Variants in NCKAP5 observed in about 807,000 individuals in gnomAD.
NCKAP5 encodes the protein NCK associated protein 5.
NCKAP5 carries 92 observed loss-of-function variants against 167.0 expected under a neutral mutation model. The ratio of observed to expected loss-of-function variants is 0.55; its 90% CI spans 0.47 to 0.66. The LOEUF is 0.66. Among genes scored for constraint, NCKAP5 ranks in the 30% least tolerant of loss-of-function variants. NCKAP5 has a pLI of 0.00. For missense variants in NCKAP5, 2,378 were observed against 2,315.0 expected (o/e 1.03, Z -0.56); for synonymous variants, 891 against 877.4 (o/e 1.02, Z -0.27).
At chr2:132,687,811 A>G (rs1057179182) in intron 19 of NCKAP5, among the ~76,000 whole-genome samples, 7 of 131,792 alleles carry the variant, frequency 5.3e-5, no homozygotes, top group Admixed American at 1.5e-4. Flanking sequence ...TAAGCAAGGG[A>G]AAAAAAAATA....
At chr2:132,764,783 T>A (rs1452271705) in intron 16 of NCKAP5, among the ~76,000 whole-genome samples, 4 of 152,268 alleles carry the variant, frequency 2.6e-5, no homozygotes, top group Non-Finnish European at 5.9e-5. Flanking sequence ...GTTAGCACAC[T>A]ATTCAAAATG....
chr2:133,062,200 G>A (rs1281714498), intron 6 of NCKAP5, among the ~76,000 whole-genome samples: 1 of 152,094 alleles, frequency 6.6e-6, no homozygotes, highest in African/African-American at 2.4e-5. Flanking sequence ...AGCCTCCATG[G>A]TAAAGACAAA....
intron 11 of NCKAP5, among the ~76,000 whole-genome samples, chr2:132,799,150 T>C (rs1684833816): frequency 6.6e-6 from 1 of 151,752 alleles, no homozygotes; most frequent in Non-Finnish European, 1.5e-5. Flanking sequence ...AATTCAGAAA[T>C]AGAAAACCAA....
intron 3 of NCKAP5, among the ~76,000 whole-genome samples, chr2:133,427,598 T>G (rs887424385): frequency 4.6e-5 from 7 of 152,114 alleles, no homozygotes; most frequent in South Asian, 2.1e-4. Flanking sequence ...AAAAAGAAAT[T>G]CTAATTTCAG....
chr2:133,338,179 G>C (rs1184792076), intron 3 of NCKAP5, among the ~76,000 whole-genome samples: 2 of 151,994 alleles, frequency 1.3e-5, no homozygotes, highest in African/African-American at 4.8e-5. Flanking sequence ...AAAAAATATA[G>C]CAAGTACCAT....
chr2:133,513,289 AC>A (rs1683657115), intron 3 of NCKAP5, among the ~76,000 whole-genome samples: 1 of 152,218 alleles, frequency 6.6e-6, no homozygotes, highest in South Asian at 2.1e-4. Flanking sequence ...GGGTTGTCCA[AC>A]AAAAGCTGCA....
intron 3 of NCKAP5, among the ~76,000 whole-genome samples, chr2:133,422,443 T>C (rs1477312977): frequency 6.6e-6 from 1 of 152,154 alleles, no homozygotes; most frequent in African/African-American, 2.4e-5. Flanking sequence ...TATAGATCCC[T>C]TGGTGCTACA....
chr2:133,470,322 C>T (rs1488054934), intron 3 of NCKAP5, among the ~76,000 whole-genome samples: 7 of 152,078 alleles, frequency 4.6e-5, no homozygotes, highest in African/African-American at 1.7e-4. Flanking sequence ...TTAGGCTGCT[C>T]GGGGGTCAGG....
the NCKAP5 span, among the ~76,000 whole-genome samples, chr2:133,621,647 A>T: frequency 6.6e-6 from 1 of 151,984 alleles, no homozygotes; most frequent in Admixed American, 6.6e-5. Context: ...TAATTTAAAA[A>T]TTGCCAACAA....
chr2:133,140,939 C>G (rs2082973233), intron 5 of NCKAP5, among the ~76,000 whole-genome samples: 1 of 151,968 alleles, frequency 6.6e-6, no homozygotes, highest in African/African-American at 2.4e-5. Context: ...GCCTCAAACA[C>G]AGTCACAAAA....
At chr2:132,900,977 G>GAAAAAAAAAA (rs58885401) in intron 8 of NCKAP5, among the ~76,000 whole-genome samples, 1 of 98,666 alleles carries the variant, frequency 1.0e-5, no homozygotes, top group Non-Finnish European at 2.1e-5. Flanking sequence ...AAAAAAAAAA[G>GAAAAAAAAAA]AAAAAAAAAA....
chr2:132,779,385 C>T (rs897991734), intron 15 of NCKAP5, among the ~76,000 whole-genome samples: 2 of 152,092 alleles, frequency 1.3e-5, no homozygotes, highest in Admixed American at 6.5e-5. Flanking sequence ...TGATAAGGGG[C>T]TCTGCCAGGC....
chr2:132,834,348 T>C (rs971174957), intron 11 of NCKAP5, among the ~76,000 whole-genome samples: 3 of 151,872 alleles, frequency 2.0e-5, no homozygotes, highest in African/African-American at 2.4e-5. Flanking sequence ...TTTATCTCTT[T>C]GTTTGTTTGT....
At position 132,782,888 on chromosome 2, in the gene NCKAP5, C is replaced by G. The variant is rs1486962674; in HGVS notation, c.3923G>C (p.Arg1308Thr). ...RTQIITNTAE[R>T]GNSLTRQNSS... Reference sequence around the variant, plus strand: ...GTTCTGCCGGGTAAGAGAATTGCCTCTCTCGGCGGTATTGGTAATGATCTG... The same window carrying G: ...GTTCTGCCGGGTAAGAGAATTGCCTGTCTCGGCGGTATTGGTAATGATCTG... Residue 1308 changes from arginine to threonine, a missense_variant, in exon 14 of 20, where the codon AGA (arginine) becomes ACA (threonine). Arg to Thr is a moderately conservative substitution (Grantham distance 71, BLOSUM62 -1). Transcript: ENST00000409261. 1 of 1,613,938 alleles carries G rather than the reference C, an allele frequency of 6.2e-7. No individual in the cohort carries two copies. Among genetic ancestry groups the G allele is most frequent in the Non-Finnish European group, 8.5e-7 (1 of 1,179,880 alleles).
intron 3 of NCKAP5, among the ~76,000 whole-genome samples, chr2:133,512,952 C>T (rs1683626392): frequency 6.6e-6 from 1 of 152,156 alleles, no homozygotes; most frequent in Admixed American, 6.5e-5. Flanking sequence ...CAGTGCCACA[C>T]AGTTCATTTC....
intron 10 of NCKAP5, among the ~76,000 whole-genome samples, chr2:132,864,236 A>G (rs989599518): frequency 1.2e-4 from 19 of 152,150 alleles, no homozygotes; most frequent in African/African-American, 4.3e-4. Flanking sequence ...ATCAGACCTC[A>G]AGAAAGAACC....
chr2:133,588,278 CCTCT>C, the NCKAP5 span, among the ~76,000 whole-genome samples: 27,999 of 132,750 alleles, frequency 0.21, 3,610 homozygotes, highest in African/African-American at 0.29. Context: ...TCCCTCCCTC[CCTCT>C]CTCCCTACCT....
intron 2 of NCKAP5, chr2:133,554,287 C>G (rs932212025): frequency 2.0e-5 from 3 of 152,158 alleles, no homozygotes; most frequent in Non-Finnish European, 2.9e-5. Flanking sequence ...GCAGTCTAAT[C>G]ACAAAAGTGT....
At chr2:132,673,888 C>G (rs764498268) in intron 19 of NCKAP5, among the ~76,000 whole-genome samples, 1 of 151,888 alleles carries the variant, frequency 6.6e-6, no homozygotes, top group Non-Finnish European at 1.5e-5. Context: ...AAAATTAAAG[C>G]GGCAGGTGAA....
Sources: gnomAD v4.1 joint callset for allele counts (sites outside exome capture counted in the v4.1 genomes callset) on GRCh38, gnomAD v4.1.1 for gene constraint, MANE v1.5 for transcripts, NCBI Gene and HGNC (gene_info 2026-07-23, HGNC 2026-07-21) for gene names.